The following MSI2 variants were observed in gnomAD, a reference collection of about 807,000 sequenced individuals.
MSI2 encodes the protein RNA-binding protein Musashi homolog 2.
A neutral mutation model predicts 45.6 loss-of-function variants in MSI2; 17 were observed. The observed-to-expected ratio is 0.37, with a 90% CI of 0.26 to 0.56. MSI2 has a LOEUF of 0.56. Ranked by LOEUF, MSI2 falls within the 20% of genes least tolerant of loss-of-function variation. The pLI, the probability that MSI2 is intolerant of heterozygous loss-of-function variation, is 0.77. For synonymous variants in MSI2, 156 were observed against 158.2 expected (o/e 0.99, Z 0.11); for missense variants, 293 against 444.2 (o/e 0.66, Z 3.06).
intron 5 of MSI2, among the ~76,000 whole-genome samples, chr17:57,387,136 G>A (rs1241678311): frequency 6.6e-6 from 1 of 152,202 alleles, no homozygotes; most frequent in Non-Finnish European, 1.5e-5. Context: ...AGACCAGTTA[G>A]CTGGGTTGGG....
intron 5 of MSI2, among the ~76,000 whole-genome samples, chr17:57,303,923 G>A (rs552129434): frequency 6.6e-6 from 1 of 152,314 alleles, no homozygotes; most frequent in African/African-American, 2.4e-5. Context: ...CTCAGAAGAG[G>A]TGGCCTTGAG....
intron 6 of MSI2, among the ~76,000 whole-genome samples, chr17:57,460,282 C>T (rs1248399558): frequency 6.6e-6 from 1 of 151,798 alleles, no homozygotes. Context: ...TGTGGTTGCA[C>T]CATTGCACTC....
chr17:57,628,244 C>T (rs1276865602), intron 10 of MSI2: 1 of 152,230 alleles, frequency 6.6e-6, no homozygotes, highest in Admixed American at 6.5e-5. Context: ...CCTGCCTTGT[C>T]GTCATGCCTA....
intron 5 of MSI2, among the ~76,000 whole-genome samples, chr17:57,345,790 G>C (rs1020114921): frequency 4.1e-5 from 6 of 146,434 alleles, no homozygotes; most frequent in Non-Finnish European, 7.4e-5. Context: ...CCGCACTCCA[G>C]CCTGGGCGAC....
rs758252311 is a variant in MSI2, at chr17:57,402,069, A to G, written c.405+598A>G. Among the ~76,000 whole-genome samples, 8 of 152,228 alleles carry G rather than the reference A, an allele frequency of 5.3e-5. No individual in the cohort carries two copies. In the South Asian group the frequency reaches 1.7e-3, roughly 32 times the overall value. On this transcript the variant is annotated intron_variant, in intron 6 of 13. Coordinates refer to ENST00000284073, the MANE Select transcript of MSI2 (RefSeq NM_138962.4). ...GGGACCAACCCAAGAGCCCCACAGCAGCCAGGAAACAGAGTGTGAGAAGGT... is the reference window on the plus strand; with the variant it reads ...GGGACCAACCCAAGAGCCCCACAGCGGCCAGGAAACAGAGTGTGAGAAGGT...
At chr17:57,457,484 C>G (rs953108642) in intron 6 of MSI2, among the ~76,000 whole-genome samples, 3 of 152,142 alleles carry the variant, frequency 2.0e-5, no homozygotes, top group Non-Finnish European at 4.4e-5. Context: ...GGCCAATGAA[C>G]TTATTTTAAG....
downstream of MSI2, among the ~76,000 whole-genome samples, chr17:57,685,201 A>G (rs148689604): frequency 1.5e-3 from 232 of 152,306 alleles, no homozygotes; most frequent in African/African-American, 5.4e-3. Context: ...GTAGAGATAG[A>G]TCATCTACAA....
chr17:57,619,437 G>C (rs2144576470), intron 9 of MSI2, among the ~76,000 whole-genome samples: 1 of 152,372 alleles, frequency 6.6e-6, no homozygotes, highest in South Asian at 2.1e-4. Flanking sequence ...TGGTTGGAGA[G>C]CACGTCATGA....
At chr17:57,609,830 C>A (rs972196710) in intron 8 of MSI2, among the ~76,000 whole-genome samples, 1 of 152,156 alleles carries the variant, frequency 6.6e-6, no homozygotes, top group African/African-American at 2.4e-5. Context: ...GCATTCCCCG[C>A]TAGGGAGAGG....
rs536506218 is a variant in MSI2, at chr17:57,584,388, G to A, written c.455-12480G>A. Among the ~76,000 whole-genome samples, 13 of 152,290 alleles carry A rather than the reference G, an allele frequency of 8.5e-5. No homozygotes were observed. In the South Asian group the frequency reaches 1.2e-3, roughly 15 times the overall value. On this transcript the variant is annotated intron_variant, in intron 7 of 13. Coordinates refer to ENST00000284073, the MANE Select transcript of MSI2 (RefSeq NM_138962.4). ...TGCAAACCACTCATCAGAGGCACCC[G>A]ATGGTCATCTGCCTGCCCGCAGACT...
chr17:57,511,887 T>C (rs2086363606), intron 6 of MSI2, among the ~76,000 whole-genome samples: 1 of 152,204 alleles, frequency 6.6e-6, no homozygotes, highest in Non-Finnish European at 1.5e-5. Context: ...ACAGCTGTGC[T>C]TTCTGCAGTT....
At chr17:57,676,767 G>A (rs953978212) in intron 12 of MSI2, among the ~76,000 whole-genome samples, 15 of 152,188 alleles carry the variant, frequency 9.9e-5, no homozygotes, top group Non-Finnish European at 2.1e-4. Context: ...GGTTTCCCCC[G>A]GGGTAAGCAG....
chr17:57,548,824 C>G (rs1001376679), intron 7 of MSI2, among the ~76,000 whole-genome samples: 1 of 151,996 alleles, frequency 6.6e-6, no homozygotes, highest in Non-Finnish European at 1.5e-5. Flanking sequence ...TTTTAATGAG[C>G]AGTGTTTAGA....
At chr17:57,615,251 C>T (rs1907572576) in intron 8 of MSI2, among the ~76,000 whole-genome samples, 2 of 151,894 alleles carry the variant, frequency 1.3e-5, no homozygotes, top group South Asian at 4.2e-4. Flanking sequence ...CCTCAGCCTC[C>T]CAGGTAGCTG....
chr17:57,482,578 C>T (rs1009736159), intron 6 of MSI2, among the ~76,000 whole-genome samples: 3 of 152,096 alleles, frequency 2.0e-5, no homozygotes, highest in African/African-American at 4.8e-5. Flanking sequence ...TGTTGTTGGC[C>T]GTGACTTTGG....
At chr17:57,411,050 G>C (rs1428148976) in intron 6 of MSI2, among the ~76,000 whole-genome samples, 1 of 152,098 alleles carries the variant, frequency 6.6e-6, no homozygotes, top group Non-Finnish European at 1.5e-5. Flanking sequence ...GGTTTCCCAG[G>C]CTGGAGTGCA....
chr17:57,622,999 T>C (rs1035641019), intron 9 of MSI2, among the ~76,000 whole-genome samples: 5 of 152,210 alleles, frequency 3.3e-5, no homozygotes, highest in African/African-American at 1.2e-4. Context: ...GCCCTTGAGT[T>C]GTGGCTTTTG....
At chr17:57,367,296 T>C (rs1034887676) in intron 5 of MSI2, among the ~76,000 whole-genome samples, 2 of 152,222 alleles carry the variant, frequency 1.3e-5, no homozygotes, top group Non-Finnish European at 2.9e-5. Context: ...TGTTTTTTTT[T>C]CCTTCAAATT....
Position 57,683,577 on chromosome 17 carries a change from A to G in MSI2, c.*4060A>G, listed in dbSNP as rs1913739209. The G allele has an allele frequency of 1.3e-5, 3 of 230,674 alleles. No individual in the cohort carries two copies. The highest frequency in any genetic ancestry group is 1.8e-4 in the South Asian group (1 of 5,510). 14.3% of individuals were successfully genotyped at this position (230,674 alleles called of 1,614,324 possible). On this transcript the variant is annotated 3_prime_UTR_variant, in exon 14 of 14. Transcript: ENST00000284073. This position sits in a 1 kb window ranked among gnomAD's most constrained non-coding sequence, Gnocchi z 5.2. ...CTTTCTGTATTATATTGCATATGAAATTGTTTACAAAAGAAACACTAACTC... is the reference window on the plus strand; with the variant it reads ...CTTTCTGTATTATATTGCATATGAAGTTGTTTACAAAAGAAACACTAACTC...
Sources: gnomAD v4.1 joint callset for allele counts (sites outside exome capture counted in the v4.1 genomes callset) on GRCh38, gnomAD v4.1.1 for gene constraint, Gnocchi (gnomAD v3.1) non-coding constraint, MANE v1.5 for transcripts, NCBI Gene and HGNC (gene_info 2026-07-23, HGNC 2026-07-21) for gene names.